The following TSHZ2 variants were observed in gnomAD, a reference collection of about 807,000 sequenced individuals.
The protein encoded by TSHZ2 is teashirt homolog 2.
Under a neutral mutation model 74.4 loss-of-function variants are expected in TSHZ2, and 21 were observed. That is an observed-to-expected ratio of 0.28 (90% CI 0.20 to 0.41). The LOEUF is 0.41. Among genes scored for constraint, TSHZ2 ranks in the 10% least tolerant of loss-of-function variants. The probability of loss-of-function intolerance (pLI) is 1.00; values close to 1 mark genes in which losing one functional copy is unlikely to be tolerated. For missense variants in TSHZ2, 1,244 were observed against 1,293.5 expected, an observed-to-expected ratio of 0.96 and a Z score of 0.59; for synonymous variants, 540 against 515.3, an observed-to-expected ratio of 1.05 and a Z score of -0.65.
intron 2 of TSHZ2, among the ~76,000 whole-genome samples, chr20:53,378,546 T>C (rs1338232109): frequency 1.3e-5 from 2 of 152,106 alleles, no homozygotes; most frequent in African/African-American, 2.4e-5. Flanking sequence ...TGTCTCTGAA[T>C]ATTCATAACA....
chr20:53,142,263 T>C (rs900210239), intron 1 of TSHZ2, among the ~76,000 whole-genome samples: 8 of 152,230 alleles, frequency 5.3e-5, no homozygotes, highest in African/African-American at 1.9e-4. Flanking sequence ...AGGGTCCTCC[T>C]TCCTCTGTAT....
At chr20:53,144,515 C>G (rs1397394456) in intron 1 of TSHZ2, among the ~76,000 whole-genome samples, 1 of 152,168 alleles carries the variant, frequency 6.6e-6, no homozygotes, top group East Asian at 1.9e-4. Flanking sequence ...ACAGCAAACG[C>G]TTATACAATG....
intron 2 of TSHZ2, among the ~76,000 whole-genome samples, chr20:53,404,966 G>T (rs1982789743): frequency 6.6e-6 from 1 of 152,192 alleles, no homozygotes; most frequent in Non-Finnish European, 1.5e-5. Flanking sequence ...AAAACTTAAA[G>T]TTGGCCGGGC....
intron 1 of TSHZ2, among the ~76,000 whole-genome samples, chr20:53,158,601 T>C (rs905739723): frequency 4.6e-5 from 7 of 152,200 alleles, no homozygotes; most frequent in African/African-American, 1.7e-4. Flanking sequence ...ATGATCTCAA[T>C]ATCCCCAGAA....
Position 53,190,467 on chromosome 20 carries a change from A to C in TSHZ2, c.41-63032A>C, listed in dbSNP as rs143727431. 8.3e-3 allele frequency among the ~76,000 whole-genome samples: 1,266 copies of C among 152,082 alleles called. 12 individuals carry two copies. Among genetic ancestry groups the C allele is most frequent in the Non-Finnish European group, 0.013 (875 of 67,980 alleles). On this transcript the variant is annotated intron_variant, in intron 1 of 2. Transcript: ENST00000371497. ...AGGGTGCCTCTTGCTCCTGGGCAGA[A>C]TGGAAAATGGAGTAGAGAGCCCCAA... is the stretch of plus-strand genomic sequence containing the variant.
chr20:53,240,752 TAGATA>T (rs1235086059), intron 1 of TSHZ2, among the ~76,000 whole-genome samples: 1 of 151,892 alleles, frequency 6.6e-6, no homozygotes, highest in African/African-American at 2.4e-5. Context: ...GATAGATAGA[TAGATA>T]GATAGATAGA....
intron 1 of TSHZ2, among the ~76,000 whole-genome samples, chr20:52,990,631 G>A (rs1451750869): frequency 6.6e-6 from 1 of 152,134 alleles, no homozygotes; most frequent in Non-Finnish European, 1.5e-5. Context: ...GGTCAGGGAA[G>A]GAAGAGCCCC....
At chr20:53,117,582 T>G (rs889868064) in intron 1 of TSHZ2, among the ~76,000 whole-genome samples, 2 of 152,152 alleles carry the variant, frequency 1.3e-5, no homozygotes, top group African/African-American at 4.8e-5. Context: ...AAGGAAGCAG[T>G]TCTAGATTGA....
chr20:53,136,014 A>T (rs985064140), intron 1 of TSHZ2, among the ~76,000 whole-genome samples: 1 of 152,180 alleles, frequency 6.6e-6, no homozygotes, highest in Non-Finnish European at 1.5e-5. Flanking sequence ...AAATAAATGT[A>T]TTTATTATAG....
intron 2 of TSHZ2, among the ~76,000 whole-genome samples, chr20:53,292,718 T>C (rs1449081075): frequency 6.6e-6 from 1 of 152,196 alleles, no homozygotes; most frequent in Admixed American, 6.5e-5. Flanking sequence ...GTACTAACAG[T>C]AACTGCATTA....
intron 1 of TSHZ2, among the ~76,000 whole-genome samples, chr20:53,124,912 C>A (rs574608960): frequency 6.6e-6 from 1 of 152,320 alleles, no homozygotes; most frequent in Admixed American, 6.5e-5. Flanking sequence ...TTAGGCTTTG[C>A]AGACCATGCA....
intron 2 of TSHZ2, among the ~76,000 whole-genome samples, chr20:53,427,777 A>G (rs1983706195): frequency 6.6e-6 from 1 of 152,144 alleles, no homozygotes; most frequent in Non-Finnish European, 1.5e-5. Context: ...CTGCCTTTCC[A>G]TGGTCTTCTC....
chr20:53,061,043 C>T lies in TSHZ2; in HGVS notation c.40+87710C>T, dbSNP rs116764003. Reference sequence around the variant, plus strand: ...ATGATAAGTACCTTACCGGTAGGTACAAGATCTTACTAAAGGTTCCTTTCT... The same window carrying T: ...ATGATAAGTACCTTACCGGTAGGTATAAGATCTTACTAAAGGTTCCTTTCT... On this transcript the variant is annotated intron_variant, in intron 1 of 2. Transcript: ENST00000371497. Among the ~76,000 whole-genome samples the T allele has an allele frequency of 2.1e-3, 314 of 152,330 alleles. 2 individuals carry two copies. The highest frequency in any genetic ancestry group is 7.3e-3 in the African/African-American group (304 of 41,574).
At chr20:53,337,891 A>G (rs1303517069) in intron 2 of TSHZ2, among the ~76,000 whole-genome samples, 1 of 152,228 alleles carries the variant, frequency 6.6e-6, no homozygotes, top group Non-Finnish European at 1.5e-5. Context: ...GGAAACTGTC[A>G]TGTGAGTTGC....
At chr20:53,462,012 A>C (rs1985388622) in intron 2 of TSHZ2, among the ~76,000 whole-genome samples, 1 of 152,286 alleles carries the variant, frequency 6.6e-6, no homozygotes, top group South Asian at 2.1e-4. Context: ...AAGGCGGATC[A>C]CTTGAGGTCA....
intron 2 of TSHZ2, among the ~76,000 whole-genome samples, chr20:53,296,277 C>A (rs1273969635): frequency 6.6e-6 from 1 of 152,198 alleles, no homozygotes; most frequent in African/African-American, 2.4e-5. Flanking sequence ...GAGCTGCCCA[C>A]TTCCTGACTT....
intron 1 of TSHZ2, among the ~76,000 whole-genome samples, chr20:53,245,014 G>A (rs1990168709): frequency 6.6e-6 from 1 of 152,276 alleles, no homozygotes; most frequent in South Asian, 2.1e-4. Context: ...AACACAGAAT[G>A]CCAGACTCAA....
chr20:53,138,104 C>T (rs1019957816), intron 1 of TSHZ2, among the ~76,000 whole-genome samples: 6 of 152,086 alleles, frequency 3.9e-5, no homozygotes, highest in Non-Finnish European at 5.9e-5. Flanking sequence ...TATCAGTGGC[C>T]GGGCGCAGTG....
chr20:53,222,124 A>T (rs976588646), intron 1 of TSHZ2, among the ~76,000 whole-genome samples: 1 of 152,178 alleles, frequency 6.6e-6, no homozygotes, highest in South Asian at 2.1e-4. Flanking sequence ...GATAGAGACC[A>T]TTCTTTTTCC....
Sources: gnomAD v4.1 joint callset for allele counts (sites outside exome capture counted in the v4.1 genomes callset) on GRCh38, gnomAD v4.1.1 for gene constraint, MANE v1.5 for transcripts, NCBI Gene and HGNC (gene_info 2026-07-23, HGNC 2026-07-21) for gene names.